BORCS5: variants seen among roughly 807,000 people sequenced by gnomAD.
BORCS5 encodes BLOC-1-related complex subunit 5.
A neutral mutation model predicts 22.1 loss-of-function variants in BORCS5; 17 were observed. The ratio of observed to expected loss-of-function variants is 0.77; its 90% CI spans 0.53 to 1.15. The LOEUF (loss-of-function observed/expected upper bound fraction) is 1.15, where lower values mean the gene tolerates loss of function less well. Ranked by LOEUF, BORCS5 falls within the 50% of genes most tolerant of loss-of-function variation. The pLI is 0.00. For missense variants in BORCS5, 247 were observed against 253.2 expected (o/e 0.98, Z 0.17); for synonymous variants, 117 against 99.8 (o/e 1.17, Z -1.03).
intron 3 of BORCS5, among the ~76,000 whole-genome samples, chr12:12,436,753 A>G (rs1942564459): frequency 1.3e-5 from 2 of 152,224 alleles, no homozygotes; most frequent in African/African-American, 4.8e-5. Flanking sequence ...CATTAGTTAT[A>G]TTGACAGATT....
chr12:12,438,473 C>A (rs1366780632), intron 3 of BORCS5, among the ~76,000 whole-genome samples: 1 of 151,608 alleles, frequency 6.6e-6, no homozygotes, highest in Non-Finnish European at 1.5e-5. Context: ...AGCTCTATAT[C>A]AGAGAGCTGG....
At chr12:12,445,529 CTTTTTTT>C (rs56356376) in intron 3 of BORCS5, among the ~76,000 whole-genome samples, 13 of 38,992 alleles carry the variant, frequency 3.3e-4, no homozygotes, top group South Asian at 8.4e-4. Flanking sequence ...TTTGAAATAC[CTTTTTTT>C]TTTTTTTTTT....
chr12:12,394,592 C>T (rs1565863815), intron 2 of BORCS5, among the ~76,000 whole-genome samples: 1 of 151,812 alleles, frequency 6.6e-6, no homozygotes, highest in African/African-American at 2.4e-5. Context: ...TGAACTCAAA[C>T]TCCTGGGCTC....
At chr12:12,421,322 G>A (rs1272495671) in intron 2 of BORCS5, among the ~76,000 whole-genome samples, 1 of 151,938 alleles carries the variant, frequency 6.6e-6, no homozygotes, top group Non-Finnish European at 1.5e-5. Flanking sequence ...TGTTTTTTGT[G>A]GTCGGTTCTG....
chr12:12,415,088 C>A (rs1484997977), intron 2 of BORCS5, among the ~76,000 whole-genome samples: 3 of 150,566 alleles, frequency 2.0e-5, no homozygotes, highest in Non-Finnish European at 4.4e-5. Flanking sequence ...CAGAGAGGCT[C>A]CTCATATCCC....
At chr12:12,365,507 A>C (rs1863388043) in intron 2 of BORCS5, among the ~76,000 whole-genome samples, 1 of 152,058 alleles carries the variant, frequency 6.6e-6, no homozygotes, top group South Asian at 2.1e-4. Context: ...TATAGAAAAT[A>C]GTTTGTATAA....
chr12:12,410,916 G>T (rs879798086), intron 2 of BORCS5, among the ~76,000 whole-genome samples: 2 of 137,290 alleles, frequency 1.5e-5, no homozygotes, highest in Non-Finnish European at 3.3e-5. Context: ...GCAGTGGTTT[G>T]TACTTCTCCT....
chr12:12,442,347 C>T (rs1245079081), intron 3 of BORCS5, among the ~76,000 whole-genome samples: 1 of 152,136 alleles, frequency 6.6e-6, no homozygotes, highest in Non-Finnish European at 1.5e-5. Flanking sequence ...TAGATTAGAA[C>T]GCCTTTGTAA....
At chr12:12,440,353 C>G (rs1942655381) in intron 3 of BORCS5, among the ~76,000 whole-genome samples, 1 of 152,088 alleles carries the variant, frequency 6.6e-6, no homozygotes, top group Non-Finnish European at 1.5e-5. Flanking sequence ...ATAGGCTGAC[C>G]CCTCAGCCAG....
chr12:12,358,926 G>A (rs1466400859), intron 1 of BORCS5, among the ~76,000 whole-genome samples: 1 of 152,190 alleles, frequency 6.6e-6, no homozygotes, highest in African/African-American at 2.4e-5. Context: ...TGAATGCCAA[G>A]CCTCCGGAGA....
chr12:12,409,926 C>G (rs1405267455), intron 2 of BORCS5, among the ~76,000 whole-genome samples: 1 of 152,208 alleles, frequency 6.6e-6, no homozygotes, highest in African/African-American at 2.4e-5. Flanking sequence ...GCCATTCTAA[C>G]TGGTGTGAGA....
chr12:12,410,431 A>C (rs1204466598), intron 2 of BORCS5, among the ~76,000 whole-genome samples: 3 of 152,210 alleles, frequency 2.0e-5, no homozygotes, highest in African/African-American at 4.8e-5. Context: ...ATCCAGTTTC[A>C]GCTTTCTACA....
chr12:12,411,896 C>T (rs1407885944), intron 2 of BORCS5, among the ~76,000 whole-genome samples: 1 of 152,122 alleles, frequency 6.6e-6, no homozygotes, highest in African/African-American at 2.4e-5. Flanking sequence ...CTGTCCTTTC[C>T]CAACTGAATG....
At position 12,465,562 on chromosome 12, in the gene BORCS5, A is replaced by C. The variant is rs760359061; in HGVS notation, c.377A>C (p.Glu126Ala). 3.7e-6 allele frequency: 6 copies of C among 1,614,234 alleles called. No individual in the cohort carries two copies. The East Asian group carries it at 1.3e-4, about 36-fold the overall frequency. The change falls in exon 4 of 4, where the codon GAA (glutamate) becomes GCA (alanine). Residue 126 changes from glutamate to alanine, a missense_variant. By Grantham distance (107) the Glu-to-Ala change is moderately radical. Coordinates refer to ENST00000314565, the MANE Select transcript of BORCS5 (RefSeq NM_058169.6). ...CATCCACAGATGGATCTGTCTGTAG[A>C]AACTCTGTTCAGCTTCATGCAGGAG... ...KRIKEMDLSV[E>A]TLFSFMQERQ...
intron 2 of BORCS5, among the ~76,000 whole-genome samples, chr12:12,411,379 G>T (rs756024909): frequency 2.6e-5 from 4 of 152,096 alleles, no homozygotes; most frequent in Non-Finnish European, 5.9e-5. Flanking sequence ...TTGGCCATTT[G>T]TATCTCTTAT....
At chr12:12,433,620 G>A (rs1049758772) in intron 2 of BORCS5, among the ~76,000 whole-genome samples, 2 of 152,166 alleles carry the variant, frequency 1.3e-5, no homozygotes, top group African/African-American at 4.8e-5. Context: ...CCTATACATA[G>A]GATCTCAATA....
At chr12:12,465,510 A>G in intron 3 of BORCS5, 36 bp from the exon 4 acceptor site, 2 of 1,584,388 alleles carry the variant, frequency 1.3e-6, no homozygotes, top group South Asian at 2.2e-5. Context: ...GACTTGATTA[A>G]ACAAGGTATA....
At chr12:12,370,536 C>T (rs893441193) in intron 2 of BORCS5, among the ~76,000 whole-genome samples, 1 of 152,082 alleles carries the variant, frequency 6.6e-6, no homozygotes, top group Non-Finnish European at 1.5e-5. Context: ...TAACTGTTTT[C>T]TAAATTTTTC....
chr12:12,380,494 A>G (rs73279374), intron 2 of BORCS5, among the ~76,000 whole-genome samples: 2 of 151,462 alleles, frequency 1.3e-5, no homozygotes, highest in African/African-American at 4.9e-5. Context: ...TTTTCTGGAC[A>G]CTTCATCTAA....
Sources: allele counts gnomAD v4.1 joint callset (sites outside exome capture counted in the v4.1 genomes callset), GRCh38; gene constraint gnomAD v4.1.1; transcripts MANE v1.5; gene names NCBI Gene and HGNC (gene_info 2026-07-23, HGNC 2026-07-21).